The following DPH6 variants were observed in gnomAD, a reference collection of about 807,000 sequenced individuals.
DPH6 encodes diphthamine biosynthesis 6.
Under a neutral mutation model 38.2 loss-of-function variants are expected in DPH6, and 33 were observed. The ratio of observed to expected loss-of-function variants is 0.86; its 90% CI spans 0.65 to 1.15. The LOEUF (loss-of-function observed/expected upper bound fraction) is 1.15, where lower values mean the gene tolerates loss of function less well. DPH6 is among the 50% of genes most tolerant of loss of function. DPH6 has a pLI of 0.00. For synonymous variants in DPH6, 108 were observed against 103.0 expected (o/e 1.05, Z -0.30); for missense variants, 325 against 320.0 (o/e 1.02, Z -0.12).
chr15:35,397,986 C>T (rs776876574), intron 6 of DPH6, among the ~76,000 whole-genome samples: 3 of 151,552 alleles, frequency 2.0e-5, no homozygotes, highest in Non-Finnish European at 4.4e-5. Flanking sequence ...ATGCTATCTC[C>T]TTCAAGACAG....
chr15:35,385,438 T>TA (rs1190535658), intron 6 of DPH6, among the ~76,000 whole-genome samples: 1 of 152,070 alleles, frequency 6.6e-6, no homozygotes, highest in Non-Finnish European at 1.5e-5. Context: ...TATGTAGCCA[T>TA]AAAAAAGGAT....
At chr15:35,431,048 A>G (rs1379299945) in intron 5 of DPH6, among the ~76,000 whole-genome samples, 1 of 152,166 alleles carries the variant, frequency 6.6e-6, no homozygotes, top group African/African-American at 2.4e-5. Context: ...CTGTTGTGTG[A>G]AAAACTCTCA....
chr15:35,513,520 G>C (rs1382587767), intron 3 of DPH6, among the ~76,000 whole-genome samples: 1 of 151,790 alleles, frequency 6.6e-6, no homozygotes, highest in African/African-American at 2.4e-5. Flanking sequence ...ATAGTAACTA[G>C]AAAGCAAAAA....
chr15:35,357,989 T>A (rs2052580768), intron 3 of DPH6, among the ~76,000 whole-genome samples: 1 of 152,236 alleles, frequency 6.6e-6, no homozygotes, highest in Admixed American at 6.5e-5. Context: ...TTCCAAGCTT[T>A]TAGAATTCTC....
intron 3 of DPH6, among the ~76,000 whole-genome samples, chr15:35,333,004 A>G (rs2052339018): frequency 6.6e-6 from 1 of 152,048 alleles, no homozygotes; most frequent in Admixed American, 6.6e-5. Flanking sequence ...ACTTCAAATG[A>G]GCAGTTATCC....
intron 5 of DPH6, among the ~76,000 whole-genome samples, chr15:35,440,847 A>G (rs1034951020): frequency 2.0e-5 from 3 of 152,238 alleles, no homozygotes; most frequent in Admixed American, 2.0e-4. Flanking sequence ...AGCAAAAGAA[A>G]CTATCATGAG....
At chr15:35,545,642 C>T (rs2055336309) in intron 1 of DPH6, among the ~76,000 whole-genome samples, 1 of 152,082 alleles carries the variant, frequency 6.6e-6, no homozygotes. Flanking sequence ...CAGGCTGCGG[C>T]GGACCCAGCT....
chr15:35,435,847 T>C (rs12911325), intron 5 of DPH6, among the ~76,000 whole-genome samples: 5 of 152,100 alleles, frequency 3.3e-5, no homozygotes, highest in Non-Finnish European at 7.4e-5. Flanking sequence ...CTTGGACTTC[T>C]TCTGAGGGTA....
At chr15:35,545,684 A>G (rs191597712) in intron 1 of DPH6, among the ~76,000 whole-genome samples, 10 of 152,284 alleles carry the variant, frequency 6.6e-5, no homozygotes, top group Non-Finnish European at 5.9e-5. Context: ...GGACGAAGAA[A>G]GCGAGGGGGA....
intron 3 of DPH6, among the ~76,000 whole-genome samples, chr15:35,269,047 C>T (rs913185335): frequency 1.3e-5 from 2 of 152,106 alleles, no homozygotes; most frequent in Non-Finnish European, 2.9e-5. Context: ...ACAATAACTC[C>T]CCAATATCAA....
intron 3 of DPH6, among the ~76,000 whole-genome samples, chr15:35,314,766 A>T (rs746607024): frequency 7.2e-5 from 11 of 152,108 alleles, no homozygotes; most frequent in Non-Finnish European, 1.3e-4. Flanking sequence ...TAGCAAAAAT[A>T]AAAAAAATCA....
At chr15:35,363,723 T>C (rs896741185) in intron 3 of DPH6, among the ~76,000 whole-genome samples, 2 of 152,050 alleles carry the variant, frequency 1.3e-5, no homozygotes, top group Non-Finnish European at 2.9e-5. Context: ...TTTCTTTTTC[T>C]ATTGCCTTTT....
At chr15:35,354,541 T>G (rs549531224) in intron 3 of DPH6, among the ~76,000 whole-genome samples, 2 of 152,364 alleles carry the variant, frequency 1.3e-5, no homozygotes, top group East Asian at 3.9e-4. Context: ...GAGATAATCA[T>G]GTGGTTTTTG....
intron 6 of DPH6, among the ~76,000 whole-genome samples, chr15:35,382,239 T>C (rs549605006): frequency 1.3e-5 from 2 of 151,540 alleles, no homozygotes; most frequent in African/African-American, 4.8e-5. Context: ...ATCGAGACCA[T>C]CCTGGCTAAC....
At chr15:35,349,932 ATC>A (rs1271003588) in intron 3 of DPH6, among the ~76,000 whole-genome samples, 3 of 152,208 alleles carry the variant, frequency 2.0e-5, no homozygotes, top group Admixed American at 6.6e-5. Context: ...TTCTTAAAGT[ATC>A]TGCCTGATTT....
chr15:35,432,456 AG>A (rs1053096941), intron 5 of DPH6, among the ~76,000 whole-genome samples: 3 of 152,216 alleles, frequency 2.0e-5, no homozygotes, highest in African/African-American at 7.2e-5. Context: ...AACCAGAAAA[AG>A]AAAGAAGAGC....
rs142813866 is a variant in DPH6, at chr15:35,224,100, GTTTTTTT to G, written n.201-3525_201-3519del. ...CCAGTCTTTCTGTGGCATGATTTTA[GTTTTTTT>G]TTTTTTTTTTTTTTTTTGAGACCAA... On this transcript the variant is annotated intron_variant and non_coding_transcript_variant, in intron 3 of 3. Transcript: ENST00000560386. 5.2e-3 allele frequency among the ~76,000 whole-genome samples: 461 copies of G among 88,918 alleles called. 4 individuals are homozygous for G. Among genetic ancestry groups the G allele is most frequent in the African/African-American group, 0.016 (401 of 24,844 alleles). 58.3% of individuals were successfully genotyped at this position (88,918 alleles called of 152,430 possible). A position where few individuals can be genotyped will look rare whatever the true frequency, so the allele number is the denominator to read the frequency against.
the DPH6 span, among the ~76,000 whole-genome samples, chr15:35,205,534 T>C: frequency 2.0e-5 from 3 of 152,102 alleles, no homozygotes; most frequent in Non-Finnish European, 2.9e-5. Context: ...CCTATTTTTA[T>C]AAGAATCCTT....
At chr15:35,337,190 C>G (rs1206227968) in intron 3 of DPH6, among the ~76,000 whole-genome samples, 3 of 152,078 alleles carry the variant, frequency 2.0e-5, no homozygotes, top group Non-Finnish European at 1.5e-5. Flanking sequence ...TGTATGTGTC[C>G]AGGAATTTAT....
Sources: allele counts gnomAD v4.1 joint callset (sites outside exome capture counted in the v4.1 genomes callset), GRCh38; gene constraint gnomAD v4.1.1; transcripts MANE v1.5; gene names NCBI Gene and HGNC (gene_info 2026-07-23, HGNC 2026-07-21).